The following TRMT61B variants were observed in gnomAD, a reference collection of about 807,000 sequenced individuals.
TRMT61B encodes tRNA methyltransferase 61B.
TRMT61B carries 56 observed loss-of-function variants against 52.0 expected under a neutral mutation model. That is an observed-to-expected ratio of 1.08 (90% confidence interval 0.87 to 1.35). The LOEUF is 1.35. TRMT61B is among the 40% of genes most tolerant of loss of function. TRMT61B has a pLI of 0.00. For synonymous variants in TRMT61B, 206 were observed against 220.0 expected, an observed-to-expected ratio of 0.94 and a Z score of 0.56; for missense variants, 650 against 577.9, an observed-to-expected ratio of 1.12 and a Z score of -1.28.
chr2:28,859,184 A>G (rs376063518), intron 3 of TRMT61B, among the ~76,000 whole-genome samples: 1 of 151,986 alleles, frequency 6.6e-6, no homozygotes. Flanking sequence ...GGTTCACGCC[A>G]TTCTCCTGCC....
At chr2:28,851,669 CAG>C (rs1669103373) in intron 4 of TRMT61B, among the ~76,000 whole-genome samples, 1 of 152,022 alleles carries the variant, frequency 6.6e-6, no homozygotes, top group Non-Finnish European at 1.5e-5. Context: ...CACTTGAGGT[CAG>C]GAGTTCCAGA....
At chr2:28,852,569 G>T in intron 3 of TRMT61B, 70 bp from the exon 4 acceptor site, 1 of 1,019,126 alleles carries the variant, frequency 9.8e-7, no homozygotes, top group Non-Finnish European at 1.5e-6. Flanking sequence ...TTCTTATTGT[G>T]GTGAAATGAC....
rs769434333 is a variant in TRMT61B, at chr2:28,870,254, A to C, written c.24T>G (p.Gly8=). The C allele has an allele frequency of 6.3e-7, 1 of 1,597,870 alleles. No individual in the cohort carries two copies. Among genetic ancestry groups the C allele is most frequent in the Admixed American group, 1.7e-5 (1 of 57,544 alleles). MLMAWCR[G]PVLLCLRQGL... ...CCTGCCGCAGGCACAGCAAGACAGG[A>C]CCGCGGCACCATGCCATTAGCATAG... The change falls in exon 1 of 7, where the codon GGT becomes GGG. Residue 8 remains glycine (G), a synonymous_variant. Transcript: ENST00000306108.
intron 3 of TRMT61B, among the ~76,000 whole-genome samples, chr2:28,858,051 T>TC (rs1669422283): frequency 6.6e-6 from 1 of 150,936 alleles, no homozygotes; most frequent in African/African-American, 2.4e-5. Flanking sequence ...CTTTTTTTTT[T>TC]TTTTTTTGAG....
intron 3 of TRMT61B, among the ~76,000 whole-genome samples, chr2:28,853,285 C>T (rs566778589): frequency 2.6e-5 from 4 of 152,114 alleles, no homozygotes; most frequent in Non-Finnish European, 5.9e-5. Flanking sequence ...AAGCAACCCT[C>T]CCACCTCAGC....
chr2:28,862,305 T>A (rs2148141230), intron 2 of TRMT61B, among the ~76,000 whole-genome samples: 1 of 149,394 alleles, frequency 6.7e-6, no homozygotes, highest in East Asian at 2.0e-4. Flanking sequence ...ATAAAGTTTA[T>A]CATTTTTAAT....
chr2:28,851,438 C>A, intron 4 of TRMT61B, 140 bp from the exon 5 acceptor site: 1 of 542,868 alleles, frequency 1.8e-6, no homozygotes, highest in Non-Finnish European at 3.1e-6. Flanking sequence ...AGTTAGGAGG[C>A]ATAAAAAGTA....
At chr2:28,850,573 C>T (rs777558233) in intron 5 of TRMT61B, 168 bp from the exon 6 acceptor site, 9 of 558,922 alleles carry the variant, frequency 1.6e-5, no homozygotes, top group Non-Finnish European at 2.9e-5. Flanking sequence ...AACTATTTGT[C>T]AATGATTATG....
At position 28,854,069 on chromosome 2, in the gene TRMT61B, T is replaced by A. The variant is rs139817637; in HGVS notation, c.994-1570A>T. On this transcript the variant is annotated intron_variant, in intron 3 of 6. Coordinates refer to ENST00000306108, the MANE Select transcript of TRMT61B (RefSeq NM_017910.4). The stretch of plus-strand genomic sequence containing the variant: ...GCTGGCATATCTATTTACTAAATGA[T>A]AAAATATTAGATTGTTTGTGTCTTT... Among the ~76,000 whole-genome samples, 855 of 152,322 alleles carry A rather than the reference T, an allele frequency of 5.6e-3. 4 individuals carry two copies. The highest frequency in any genetic ancestry group is 0.011 in the Admixed American group (168 of 15,292).
At chr2:28,864,888 C>T in intron 2 of TRMT61B, 129 bp downstream of exon 2, 2 of 584,618 alleles carry the variant, frequency 3.4e-6, no homozygotes, top group African/African-American at 3.7e-5. Context: ...TAGTTGCTTA[C>T]TTTCAGATTC....
intron 1 of TRMT61B, among the ~76,000 whole-genome samples, chr2:28,869,331 G>A (rs1288050300): frequency 6.6e-6 from 1 of 152,124 alleles, no homozygotes; most frequent in East Asian, 1.9e-4. Context: ...AGAAAGTTGA[G>A]CTATTATCCA....
At chr2:28,867,300 G>T (rs1669892151) in intron 1 of TRMT61B, among the ~76,000 whole-genome samples, 1 of 152,058 alleles carries the variant, frequency 6.6e-6, no homozygotes, top group East Asian at 1.9e-4. Flanking sequence ...TCCCTATGTT[G>T]CCCCGGCTGG....
At chr2:28,862,496 C>T (rs1172879118) in intron 2 of TRMT61B, among the ~76,000 whole-genome samples, 1 of 151,182 alleles carries the variant, frequency 6.6e-6, no homozygotes, top group East Asian at 2.0e-4. Context: ...CCACACCCAG[C>T]TAACTTTTTG....
chr2:28,849,991 T>C lies in TRMT61B; in HGVS notation c.*208A>G. The stretch of plus-strand genomic sequence containing the variant: ...AATCATTAACTACAAAATGTCAAAC[T>C]AACTGCAAGACAAGTGTCAAAATGG... On this transcript the variant is annotated 3_prime_UTR_variant, in exon 7 of 7. Transcript: ENST00000306108. The C allele has an allele frequency of 7.1e-7, 1 of 1,403,988 alleles. No individual in the cohort carries two copies. Among genetic ancestry groups the C allele is most frequent in the Non-Finnish European group, 9.9e-7 (1 of 1,008,418 alleles). The allele number at this position is 1,403,988 out of a possible 1,614,324, so 87.0% of individuals were successfully genotyped here.
intron 2 of TRMT61B, chr2:28,861,552 T>G (rs915317578): frequency 9.1e-6 from 4 of 441,274 alleles, no homozygotes; most frequent in Non-Finnish European, 1.6e-5. Context: ...CAAGTATCTC[T>G]CTGTGTTTTT....
At position 28,870,148 on chromosome 2, in the gene TRMT61B, G is replaced by A; in HGVS notation, c.130C>T (p.Pro44Ser). 1 of 1,613,902 alleles carries A rather than the reference G, an allele frequency of 6.2e-7. No individual in the cohort carries two copies. The highest frequency in any genetic ancestry group is 1.1e-5 in the South Asian group (1 of 91,082). ...CTTTCTCCATCTCGCAGGTCTCTAG[G>A]CGAGGACCTGCAACACAGTGACCGA... The part of the protein sequence containing the change: ...GARSLCCRSS[P>S]RDLRDGEREH... Residue 44 changes from proline to serine, a missense_variant, in exon 1 of 7, where the codon CCT becomes TCT. Coordinates refer to ENST00000306108, the MANE Select transcript of TRMT61B (RefSeq NM_017910.4).
chr2:28,862,395 C>G (rs1385642361), intron 2 of TRMT61B, among the ~76,000 whole-genome samples: 1 of 135,914 alleles, frequency 7.4e-6, no homozygotes, highest in South Asian at 2.6e-4. Flanking sequence ...TGCGGTGGTG[C>G]AATCACAGCT....
At chr2:28,868,950 G>C (rs1357712940) in intron 1 of TRMT61B, among the ~76,000 whole-genome samples, 1 of 152,168 alleles carries the variant, frequency 6.6e-6, no homozygotes, top group Non-Finnish European at 1.5e-5. Context: ...GTTGCAGGGA[G>C]CCAAGATCGC....
intron 3 of TRMT61B, among the ~76,000 whole-genome samples, chr2:28,856,368 T>A (rs969133771): frequency 6.6e-6 from 1 of 152,184 alleles, no homozygotes; most frequent in East Asian, 1.9e-4. Context: ...TGTTGAAATA[T>A]TATAATACCT....
Sources: allele counts gnomAD v4.1 joint callset (sites outside exome capture counted in the v4.1 genomes callset), GRCh38; gene constraint gnomAD v4.1.1; transcripts MANE v1.5; gene names NCBI Gene and HGNC (gene_info 2026-07-23, HGNC 2026-07-21).